The following FMN2 variants were observed in gnomAD, a reference collection of about 807,000 sequenced individuals.
FMN2 encodes formin-2.
FMN2 carries 51 observed loss-of-function variants against 142.3 expected under a neutral mutation model. That is an observed-to-expected ratio of 0.36 (90% CI 0.29 to 0.45). The LOEUF (loss-of-function observed/expected upper bound fraction) is 0.45. Ranked by LOEUF, FMN2 falls within the 20% of genes least tolerant of loss-of-function variation. The pLI, the probability that FMN2 is intolerant of heterozygous loss-of-function variation, is 1.00. For missense variants in FMN2, 1,936 were observed against 2,122.8 expected, an observed-to-expected ratio of 0.91 and a Z score of 1.73; for synonymous variants, 882 against 869.8, an observed-to-expected ratio of 1.01 and a Z score of -0.25.
chr1:240,151,071 A>G (rs1247176705), intron 2 of FMN2, among the ~76,000 whole-genome samples: 1 of 152,210 alleles, frequency 6.6e-6, no homozygotes, highest in African/African-American at 2.4e-5. Flanking sequence ...CCTGGTTTCT[A>G]AGTCCCAATT....
rs564888082 is a variant in FMN2, at chr1:240,144,388, G to A, written c.1782+21043G>A. 9 of 1,606,764 alleles carry A rather than the reference G, an allele frequency of 5.6e-6. No individual in the cohort carries two copies. The East Asian group carries it at 2.0e-4, about 36-fold the overall frequency. ...TGTCCAGCTCCCGAGCTAAGGCCAA[G>A]AAGTTGCTGTTGAGCTGTACATTGG... is the stretch of plus-strand genomic sequence containing the variant. On this transcript the variant is annotated intron_variant, in intron 2 of 17. Transcript: ENST00000319653.
intron 1 of FMN2, among the ~76,000 whole-genome samples, chr1:240,103,984 C>A (rs1171520587): frequency 6.6e-6 from 1 of 151,834 alleles, no homozygotes; most frequent in African/African-American, 2.4e-5. Context: ...TCACGCCATT[C>A]TCCTGCCTCA....
At chr1:240,452,453 T>G (rs1029227837) in intron 16 of FMN2, among the ~76,000 whole-genome samples, 2 of 152,134 alleles carry the variant, frequency 1.3e-5, no homozygotes, top group Non-Finnish European at 2.9e-5. Context: ...GATCATTATA[T>G]TTAGATAATA....
intron 2 of FMN2, among the ~76,000 whole-genome samples, chr1:240,150,211 G>C (rs1663703987): frequency 6.6e-6 from 1 of 152,164 alleles, no homozygotes; most frequent in African/African-American, 2.4e-5. Context: ...ATTTTGTACA[G>C]AAGCTTACAT....
intron 6 of FMN2, among the ~76,000 whole-genome samples, chr1:240,219,423 A>C (rs373702249): frequency 6.6e-6 from 1 of 152,148 alleles, no homozygotes; most frequent in Admixed American, 6.6e-5. Flanking sequence ...TGTCTACCAG[A>C]AGGGATGCTG....
intron 15 of FMN2, among the ~76,000 whole-genome samples, chr1:240,434,288 C>G (rs1037091907): frequency 1.3e-5 from 2 of 152,064 alleles, no homozygotes; most frequent in African/African-American, 4.8e-5. Context: ...TGTAGTGAAT[C>G]CTGTATTGGT....
intron 3 of FMN2, among the ~76,000 whole-genome samples, chr1:240,183,231 G>C (rs374264228): frequency 6.6e-6 from 1 of 151,540 alleles, no homozygotes; most frequent in South Asian, 2.1e-4. Context: ...TCTGTGTTTT[G>C]TTCAAATGTT....
intron 16 of FMN2, among the ~76,000 whole-genome samples, chr1:240,455,914 G>A (rs1323322183): frequency 2.0e-5 from 3 of 152,066 alleles, no homozygotes; most frequent in South Asian, 2.1e-4. Flanking sequence ...GGCAGAGGCC[G>A]CAGTGAGCCA....
chr1:240,421,685 A>G (rs1188963569), intron 15 of FMN2, among the ~76,000 whole-genome samples: 2 of 152,188 alleles, frequency 1.3e-5, no homozygotes, highest in African/African-American at 4.8e-5. Flanking sequence ...ATTATGACCA[A>G]TAATTTTCAA....
intron 2 of FMN2, among the ~76,000 whole-genome samples, chr1:240,157,978 A>G (rs78121747): frequency 2.2e-3 from 191 of 85,142 alleles, no homozygotes; most frequent in South Asian, 4.7e-3. Context: ...CTCTACTAAA[A>G]AAAAAAAAAA....
At position 240,311,543 on chromosome 1, in the gene FMN2, TAAAAA is replaced by T. The variant is rs556475530; in HGVS notation, c.4215+16665_4215+16669del. Among the ~76,000 whole-genome samples the T allele has an allele frequency of 5.2e-3, 790 of 151,168 alleles. 3 individuals are homozygous for T. The highest frequency in any genetic ancestry group is 6.4e-3 in the Non-Finnish European group (435 of 67,716). Reference sequence around the variant, plus strand: ...ACGTGCTTAAGGTGAATTTCAGAATTAAAAAAAAAGAAAAGCTTTGGATCTTGAAT... The same window carrying T: ...ACGTGCTTAAGGTGAATTTCAGAATTAAAAGAAAAGCTTTGGATCTTGAAT... On this transcript the variant is annotated intron_variant, in intron 8 of 17. Transcript: ENST00000319653.
chr1:240,271,098 G>GCTTTTTTTTTTTTTTTTTTTTTTTTTTT (rs1233218686), intron 7 of FMN2, among the ~76,000 whole-genome samples: 1 of 72,244 alleles, frequency 1.4e-5, no homozygotes. Context: ...TTCCACGATG[G>GCTTTTTTTTTTTTTTTTTTTTTTTTTTT]TTTTTTTTTT....
intron 1 of FMN2, among the ~76,000 whole-genome samples, chr1:240,099,163 G>T (rs6688530): frequency 0.025 from 3,732 of 151,938 alleles, 143 homozygotes; most frequent in African/African-American, 0.085. Context: ...GGGGCTATTT[G>T]CTCTCCTGAC....
At chr1:240,335,468 T>C (rs1671525083) in intron 13 of FMN2, among the ~76,000 whole-genome samples, 1 of 152,222 alleles carries the variant, frequency 6.6e-6, no homozygotes. Context: ...TATAGTATTA[T>C]ACTTCAACCT....
At chr1:240,145,128 G>C (rs1339777020) in intron 2 of FMN2, 12 of 1,484,376 alleles carry the variant, frequency 8.1e-6, no homozygotes, top group Non-Finnish European at 1.0e-5. Context: ...GTAGAAGAAC[G>C]AATCTGCCTT....
chr1:240,361,969 A>T (rs141690884), intron 14 of FMN2, among the ~76,000 whole-genome samples: 1,918 of 152,336 alleles, frequency 0.013, 23 homozygotes, highest in African/African-American at 0.044. Flanking sequence ...GTTTCAGAAA[A>T]GGGCAAATGC....
At chr1:240,435,457 T>A (rs4659572) in intron 15 of FMN2, among the ~76,000 whole-genome samples, 80,457 of 151,064 alleles carry the variant, frequency 0.53, 22,988 homozygotes, top group Non-Finnish European at 0.65. Flanking sequence ...ATTGAATTAG[T>A]TATAATTTAG....
chr1:240,271,715 T>A (rs1462438072), intron 7 of FMN2, among the ~76,000 whole-genome samples: 1 of 152,100 alleles, frequency 6.6e-6, no homozygotes, highest in Non-Finnish European at 1.5e-5. Context: ...TGGAGAAAAG[T>A]ACATGTGAGA....
At chr1:240,258,688 T>G (rs2102898854) in intron 7 of FMN2, among the ~76,000 whole-genome samples, 1 of 152,342 alleles carries the variant, frequency 6.6e-6, no homozygotes, top group African/African-American at 2.4e-5. Context: ...ATTTTAATAC[T>G]TGGATTCTAC....
Sources: gnomAD v4.1 joint callset for allele counts (sites outside exome capture counted in the v4.1 genomes callset) on GRCh38, gnomAD v4.1.1 for gene constraint, MANE v1.5 for transcripts, NCBI Gene and HGNC (gene_info 2026-07-23, HGNC 2026-07-21) for gene names.